Variants in EPC2 observed in about 807,000 individuals in gnomAD.
EPC2 encodes enhancer of polycomb homolog 2.
Under a neutral mutation model 92.1 loss-of-function variants are expected in EPC2, and 14 were observed. That is an observed-to-expected ratio of 0.15 (90% CI 0.10 to 0.24). The LOEUF (loss-of-function observed/expected upper bound fraction) is 0.24, where lower values mean the gene tolerates loss of function less well. Among genes scored for constraint, EPC2 ranks in the 10% least tolerant of loss-of-function variants. The pLI is 1.00. For missense variants in EPC2, 755 were observed against 971.5 expected (o/e 0.78, Z 2.96); for synonymous variants, 340 against 334.7 (o/e 1.02, Z -0.17).
intron 1 of EPC2, among the ~76,000 whole-genome samples, chr2:148,648,888 C>T (rs913609376): frequency 6.6e-6 from 1 of 152,184 alleles, no homozygotes; most frequent in African/African-American, 2.4e-5. Context: ...TCTTTTACTT[C>T]TTTTCTTCCC....
intron 2 of EPC2, 82 bp downstream of exon 2, chr2:148,690,455 T>C: frequency 7.5e-7 from 1 of 1,340,922 alleles, no homozygotes; most frequent in Non-Finnish European, 1.0e-6. Flanking sequence ...CTAAAGAAAT[T>C]CTGATTTTTT....
Position 148,783,681 on chromosome 2 carries a change from G to C in EPC2, c.1942G>C (p.Val648Leu), listed in dbSNP as rs1413255188. 6.3e-7 allele frequency: 1 copy of C among 1,597,724 alleles called. No homozygotes were observed. Among genetic ancestry groups the C allele is most frequent in the Non-Finnish European group, 8.5e-7 (1 of 1,171,564 alleles). Residue 648 changes from valine to leucine, a missense_variant, in exon 12 of 14, where the codon GTT becomes CTT. Physicochemically the swap from Val to Leu is conservative, Grantham distance 32. Transcript: ENST00000258484. Reference sequence around the variant, plus strand: ...TGCATCTGCAGTGGTCAGTGCACCTGTTCCAAGTCGCAGTGAGGTAGCCAA... The same window carrying C: ...TGCATCTGCAGTGGTCAGTGCACCTCTTCCAAGTCGCAGTGAGGTAGCCAA... ...FAASAVVSAP[V>L]PSRSEVAKEQ...
intron 7 of EPC2, among the ~76,000 whole-genome samples, chr2:148,765,378 C>A (rs1683388568): frequency 6.6e-6 from 1 of 151,936 alleles, no homozygotes; most frequent in South Asian, 2.1e-4. Context: ...TTAGTTTTTC[C>A]ATTTATAAAA....
At position 148,649,072 on chromosome 2, in the gene EPC2, A is replaced by C. The variant is rs185772519; in HGVS notation, c.153+3902A>C. Among the ~76,000 whole-genome samples, 4 of 152,250 alleles carry C rather than the reference A, an allele frequency of 2.6e-5. No individual in the cohort carries two copies. The East Asian group carries it at 7.7e-4, about 29-fold the overall frequency. ...CCAGCGGTTCTGCCGCCTCCCCATG[A>C]GTGTTGTATAGTGGTAGTTGATGTT... is the stretch of plus-strand genomic sequence containing the variant. On this transcript the variant is annotated intron_variant, in intron 1 of 13. Transcript: ENST00000258484.
At chr2:148,696,600 C>T (rs893893311) in intron 2 of EPC2, among the ~76,000 whole-genome samples, 1 of 148,780 alleles carries the variant, frequency 6.7e-6, no homozygotes, top group Non-Finnish European at 1.5e-5. Flanking sequence ...CAGTATTGGT[C>T]ATAAAGGGTG....
intron 2 of EPC2, among the ~76,000 whole-genome samples, chr2:148,720,110 A>G (rs1230641938): frequency 2.6e-5 from 4 of 151,906 alleles, no homozygotes; most frequent in Non-Finnish European, 5.9e-5. Flanking sequence ...GAGAGATAAG[A>G]AAGGTAAGAG....
chr2:148,736,246 A>G (rs1287793535), intron 2 of EPC2, among the ~76,000 whole-genome samples: 1 of 152,164 alleles, frequency 6.6e-6, no homozygotes, highest in Non-Finnish European at 1.5e-5. Flanking sequence ...GTCATTATGG[A>G]TCATGGATTT....
chr2:148,710,815 G>T (rs554947225), intron 2 of EPC2, among the ~76,000 whole-genome samples: 3 of 152,144 alleles, frequency 2.0e-5, no homozygotes, highest in Admixed American at 2.0e-4. Flanking sequence ...TTGGACACAG[G>T]AAGGGGAACA....
chr2:148,682,916 A>G (rs1681433484), intron 1 of EPC2, among the ~76,000 whole-genome samples: 1 of 152,236 alleles, frequency 6.6e-6, no homozygotes, highest in East Asian at 1.9e-4. Flanking sequence ...ACCAACTAAT[A>G]TATTTAATGT....
In EPC2 at chr2:148,646,522, T is replaced by A. The variant is rs182316097; in HGVS notation, c.153+1352T>A. On this transcript the variant is annotated intron_variant, in intron 1 of 13. Coordinates refer to ENST00000258484, the MANE Select transcript of EPC2 (RefSeq NM_015630.4). ...ATATATATTTGTGTGTGCATATATA[T>A]AAATATGTTTATAATCAAAACCCAG... Among the ~76,000 whole-genome samples the A allele has an allele frequency of 5.1e-3, 782 of 152,000 alleles. 5 individuals are homozygous for A. The highest frequency in any genetic ancestry group is 7.5e-3 in the Non-Finnish European group (513 of 67,972).
chr2:148,761,633 A>T (rs942876336), intron 4 of EPC2, 149 bp from the exon 5 acceptor site: 10 of 468,794 alleles, frequency 2.1e-5, no homozygotes, highest in Non-Finnish European at 3.3e-5. Flanking sequence ...TTAAATAGTT[A>T]TAGGTTATCT....
At chr2:148,774,149 G>A (rs950937871) in intron 10 of EPC2, among the ~76,000 whole-genome samples, 3 of 152,052 alleles carry the variant, frequency 2.0e-5, no homozygotes, top group East Asian at 3.8e-4. Flanking sequence ...CAAATGAAGC[G>A]TTTAATGAGA....
At chr2:148,709,754 C>T (rs1328069059) in intron 2 of EPC2, among the ~76,000 whole-genome samples, 2 of 152,152 alleles carry the variant, frequency 1.3e-5, no homozygotes, top group African/African-American at 4.8e-5. Flanking sequence ...GAAAAGGATT[C>T]CCTATTTAAT....
intron 1 of EPC2, among the ~76,000 whole-genome samples, chr2:148,668,637 C>T (rs983933992): frequency 6.6e-6 from 1 of 152,154 alleles, no homozygotes; most frequent in African/African-American, 2.4e-5. Context: ...ACAGTTTCTT[C>T]CCAAGTGAGC....
In EPC2 at chr2:148,771,099, C is replaced by A. The variant is rs757763407; in HGVS notation, c.1432C>A (p.Pro478Thr). ...TGACCCAGTCCTGAAACAGATAGAC[C>A]CTGAAATGCTGAATAGTTTTTCAAG... ...EHDPVLKQID[P>T]EMLNSFSSSS... The change falls in exon 10 of 14, where the codon CCT becomes ACT. Residue 478 changes from proline (P) to threonine (T), a missense_variant. Pro to Thr is a conservative substitution (Grantham distance 38, BLOSUM62 -1). This residue lies in a region of EPC2 where 509 missense variants were observed against 607.7 expected (regional missense o/e 0.84). Coordinates refer to ENST00000258484, the MANE Select transcript of EPC2 (RefSeq NM_015630.4). The A allele has an allele frequency of 6.2e-7, 1 of 1,613,094 alleles. No homozygotes were observed. Among genetic ancestry groups the A allele is most frequent in the Admixed American group, 1.7e-5 (1 of 59,924 alleles).
intron 1 of EPC2, among the ~76,000 whole-genome samples, chr2:148,664,510 G>A (rs763845038): frequency 2.6e-5 from 4 of 152,124 alleles, no homozygotes; most frequent in Non-Finnish European, 4.4e-5. Context: ...ATAAATAAAC[G>A]CAAACATTTA....
intron 1 of EPC2, among the ~76,000 whole-genome samples, chr2:148,651,789 T>A (rs1463249074): frequency 1.3e-5 from 2 of 152,212 alleles, no homozygotes; most frequent in African/African-American, 4.8e-5. Flanking sequence ...TTGTTAAACT[T>A]AATAGATGGT....
intron 2 of EPC2, among the ~76,000 whole-genome samples, chr2:148,707,511 A>G (rs1485159217): frequency 3.3e-5 from 5 of 152,214 alleles, no homozygotes; most frequent in African/African-American, 9.6e-5. Flanking sequence ...ATAGACATCT[A>G]CGGAACTCTC....
At chr2:148,713,718 A>G (rs1043983640) in intron 2 of EPC2, among the ~76,000 whole-genome samples, 2 of 152,098 alleles carry the variant, frequency 1.3e-5, no homozygotes, top group African/African-American at 4.8e-5. Context: ...TAATGTTTAG[A>G]TATACAGATA....
Sources: allele counts gnomAD v4.1 joint callset (sites outside exome capture counted in the v4.1 genomes callset), GRCh38; gene constraint gnomAD v4.1.1; regional missense constraint gnomAD v4.1.1; transcripts MANE v1.5; gene names NCBI Gene and HGNC (gene_info 2026-07-23, HGNC 2026-07-21).